The following IFI16 variants were observed in gnomAD, a reference collection of about 807,000 sequenced individuals.
IFI16 encodes the protein interferon gamma inducible protein 16.
In IFI16, 49 loss-of-function variants were observed where a neutral mutation model predicts 68.4. That is an observed-to-expected ratio of 0.72 (90% confidence interval 0.57 to 0.91). The LOEUF (loss-of-function observed/expected upper bound fraction) is 0.91. Ranked by LOEUF, IFI16 falls within the 40% of genes least tolerant of loss-of-function variation. The pLI is 0.00. For missense variants in IFI16, 878 were observed against 942.9 expected (o/e 0.93, Z 0.90); for synonymous variants, 307 against 315.0 (o/e 0.97, Z 0.27).
chr1:159,047,037 G>C (rs574274295), intron 8 of IFI16, among the ~76,000 whole-genome samples: 1 of 150,952 alleles, frequency 6.6e-6, no homozygotes, highest in Non-Finnish European at 1.5e-5. Flanking sequence ...ACAATCCAGC[G>C]CTATGGGGCC....
chr1:159,052,170 G>A, intron 10 of IFI16, 72 bp downstream of exon 10: 1 of 1,271,776 alleles, frequency 7.9e-7, no homozygotes, highest in Non-Finnish European at 1.1e-6. Flanking sequence ...CTTGTCAACT[G>A]GAGTTTGGTC....
upstream of IFI16, chr1:159,005,823 G>T (rs576922649): frequency 1.4e-4 from 21 of 152,356 alleles, no homozygotes; most frequent in African/African-American, 5.1e-4. Flanking sequence ...ATGTGGAACA[G>T]ATTGAAGGAA....
Position 159,049,528 on chromosome 1 carries a change from G to T in IFI16, c.1594G>T (p.Gly532Cys). 1 of 1,606,702 alleles carries T rather than the reference G, an allele frequency of 6.2e-7. No individual in the cohort carries two copies. Among genetic ancestry groups the T allele is most frequent in the Non-Finnish European group, 8.5e-7 (1 of 1,176,180 alleles). The change falls in exon 9 of 12, where the codon GGC (glycine) becomes TGC (cysteine). Residue 532 changes from glycine (G) to cysteine (C), a missense_variant. By Grantham distance (159) the Gly-to-Cys change is radical. Coordinates refer to ENST00000295809, the MANE Select transcript of IFI16 (RefSeq NM_001376587.1). ...TCCAGGACCGTTCATGACCAGCATA[G>T]GCCCAGCTGAGAGCCATCCCCACAC... The part of the protein sequence containing the change: ...HFPGPFMTSI[G>C]PAESHPHTPQ...
intron 6 of IFI16, among the ~76,000 whole-genome samples, chr1:159,024,976 T>C (rs1230251271): frequency 6.6e-6 from 1 of 151,946 alleles, no homozygotes; most frequent in East Asian, 1.9e-4. Context: ...TAAAATAGGG[T>C]CCTTCCCAGG....
intron 8 of IFI16, among the ~76,000 whole-genome samples, chr1:159,046,564 T>C (rs986632070): frequency 8.6e-5 from 13 of 151,332 alleles, no homozygotes; most frequent in African/African-American, 3.1e-4. Context: ...ATTACCAATA[T>C]GTTCATCCTC....
In IFI16 at chr1:159,051,983, G is replaced by A. The variant is rs766761172; in HGVS notation, c.1970G>A (p.Arg657Gln). Residue 657 changes from arginine to glutamine, a missense_variant, in exon 10 of 12, where the codon CGA becomes CAA. By Grantham distance (43) the Arg-to-Gln change is conservative. This residue lies in a region of IFI16 where 311 missense variants were observed against 305.1 expected (regional missense o/e 1.02). Coordinates refer to ENST00000295809, the MANE Select transcript of IFI16 (RefSeq NM_001376587.1). ...FTLVADVNAD[R>Q]NMEIPKGLIR... Reference sequence around the variant, plus strand: ...CTTGTGGCTGATGTGAATGCTGACCGAAACATGGAGATCCCAAAAGGATTG... The same window carrying A: ...CTTGTGGCTGATGTGAATGCTGACCAAAACATGGAGATCCCAAAAGGATTG... The A allele has an allele frequency of 6.8e-6, 11 of 1,613,934 alleles. No individual in the cohort carries two copies. Among genetic ancestry groups the A allele is most frequent in the Admixed American group, 1.7e-5 (1 of 60,002 alleles).
chr1:159,040,966 G>A (rs1654598289), intron 7 of IFI16, among the ~76,000 whole-genome samples: 1 of 152,204 alleles, frequency 6.6e-6, no homozygotes, highest in Non-Finnish European at 1.5e-5. Flanking sequence ...AGAATAGACA[G>A]TGTCAGGCTT....
intron 7 of IFI16, among the ~76,000 whole-genome samples, chr1:159,041,717 G>A (rs74122235): frequency 0.025 from 3,729 of 152,198 alleles, 162 homozygotes; most frequent in African/African-American, 0.085. Flanking sequence ...ATTTCAGACT[G>A]AAGACTATAA....
chr1:159,018,096 C>A, intron 4 of IFI16, 133 bp from the exon 5 acceptor site: 2 of 692,456 alleles, frequency 2.9e-6, no homozygotes, highest in South Asian at 3.9e-5. Flanking sequence ...CTCGCAATCC[C>A]TCTCTATCCT....
chr1:159,052,803 G>A (rs1452475629), intron 10 of IFI16: 1 of 152,000 alleles, frequency 6.6e-6, no homozygotes, highest in East Asian at 1.9e-4. Context: ...CTTACAGTGT[G>A]CCTTTCAGTC....
chr1:159,040,321 T>A lies in IFI16; in HGVS notation c.1330-4976T>A, dbSNP rs78265468. Among the ~76,000 whole-genome samples the A allele has an allele frequency of 8.6e-3, 1,308 of 152,326 alleles. 12 individuals carry two copies. The highest frequency in any genetic ancestry group is 0.016 in the East Asian group (84 of 5,188). ...AAATATCATATTGCTTAAGAATAAA[T>A]GCCTTGTGTGGTAAAAGCTATTTTT... On this transcript the variant is annotated intron_variant, in intron 7 of 11. Coordinates refer to ENST00000295809, the MANE Select transcript of IFI16 (RefSeq NM_001376587.1).
intron 7 of IFI16, among the ~76,000 whole-genome samples, chr1:159,037,794 T>C (rs1654412669): frequency 6.6e-6 from 1 of 152,104 alleles, no homozygotes; most frequent in African/African-American, 2.4e-5. Flanking sequence ...CTATACCCCC[T>C]CAATCAGGAG....
chr1:159,052,215 C>A, intron 10 of IFI16, 117 bp downstream of exon 10: 1 of 705,390 alleles, frequency 1.4e-6, no homozygotes. Flanking sequence ...CCCCTTCACC[C>A]TTCCCCCAGC....
At chr1:159,014,537 G>A (rs1249666060) in intron 1 of IFI16, 124 bp from the exon 2 acceptor site, 2 of 578,470 alleles carry the variant, frequency 3.5e-6, no homozygotes, top group East Asian at 6.1e-5. Context: ...TGGTCGTTGA[G>A]TCCTTCTTTA....
chr1:159,021,309 C>G (rs1028783966), intron 6 of IFI16, among the ~76,000 whole-genome samples: 1 of 152,122 alleles, frequency 6.6e-6, no homozygotes, highest in Non-Finnish European at 1.5e-5. Context: ...CCTTTGTGTC[C>G]TCATAGCTTA....
rs537718498 is a variant in IFI16 at position 159,019,445 on chromosome 1, G to A, written c.972+794G>A. ...GTTTCCTAGAACAACTCATTAACCT[G>A]CGTTACTTTCTGTACACAGTCTTTT... On this transcript the variant is annotated intron_variant, in intron 5 of 11. Coordinates refer to ENST00000295809, the MANE Select transcript of IFI16 (RefSeq NM_001376587.1). 9.9e-5 allele frequency among the ~76,000 whole-genome samples: 15 copies of A among 151,232 alleles called. No homozygotes were observed. In the South Asian group the frequency reaches 1.5e-3, roughly 15 times the overall value.
chr1:159,000,204 T>G (rs1027357587), exon 1 of IFI16: 1 of 249,002 alleles, frequency 4.0e-6, no homozygotes, highest in African/African-American at 2.3e-5. Context: ...AGTTTGCCTG[T>G]GGCAATATTA....
upstream of IFI16, among the ~76,000 whole-genome samples, chr1:159,008,138 A>G (rs572505551): frequency 1.3e-5 from 2 of 152,300 alleles, no homozygotes; most frequent in East Asian, 3.9e-4. Context: ...GCTTTTTGTC[A>G]TAAAGAGAGA....
At chr1:159,000,636 G>A (rs991033091) in intron 1 of IFI16, among the ~76,000 whole-genome samples, 4 of 152,130 alleles carry the variant, frequency 2.6e-5, no homozygotes, top group Non-Finnish European at 4.4e-5. Flanking sequence ...TATTTCACAT[G>A]TGCAATTTAA....
Sources: allele counts gnomAD v4.1 joint callset (sites outside exome capture counted in the v4.1 genomes callset), GRCh38; gene constraint gnomAD v4.1.1; regional missense constraint gnomAD v4.1.1; transcripts MANE v1.5; gene names NCBI Gene and HGNC (gene_info 2026-07-23, HGNC 2026-07-21).